RBFOX1: variants seen among roughly 807,000 people sequenced by gnomAD.
RBFOX1 encodes the protein RNA binding protein fox-1 homolog 1.
RBFOX1 carries 8 observed loss-of-function variants against 57.7 expected under a neutral mutation model. The observed-to-expected ratio is 0.14, with a 90% CI of 0.08 to 0.25. RBFOX1 has a LOEUF of 0.25. Ranked by LOEUF, RBFOX1 falls within the 10% of genes least tolerant of loss-of-function variation. The pLI is 1.00. For missense variants in RBFOX1, 611 were observed against 548.5 expected (o/e 1.11, Z -1.14); for synonymous variants, 326 against 222.4 (o/e 1.47, Z -4.15).
chr16:5,993,064 C>G (rs79165163), intron 4 of RBFOX1, among the ~76,000 whole-genome samples: 1 of 152,174 alleles, frequency 6.6e-6, no homozygotes, highest in Non-Finnish European at 1.5e-5. Context: ...TGCTTACCCA[C>G]AGGCCCTCTC....
intron 4 of RBFOX1, among the ~76,000 whole-genome samples, chr16:7,367,115 G>A (rs762560073): frequency 4.0e-5 from 6 of 151,136 alleles, no homozygotes; most frequent in Admixed American, 1.3e-4. Flanking sequence ...AAATACTGCC[G>A]GTGAGCCCAT....
chr16:5,688,551 C>T (rs1232706288), intron 3 of RBFOX1, among the ~76,000 whole-genome samples: 1 of 152,120 alleles, frequency 6.6e-6, no homozygotes, highest in Non-Finnish European at 1.5e-5. Context: ...TCCCTTTCCT[C>T]CTCAGCTCTG....
At chr16:5,808,023 C>T (rs1318611944) in intron 3 of RBFOX1, among the ~76,000 whole-genome samples, 1 of 152,212 alleles carries the variant, frequency 6.6e-6, no homozygotes, top group African/African-American at 2.4e-5. Context: ...CTTACTCCTT[C>T]TATGCCTGAA....
In RBFOX1 at chr16:5,335,598, C is replaced by T. The variant is rs1483297469; in HGVS notation, c.219+95493C>T. ...GCTTTGCTATGTCCTTCCTCTTCTCCATTGCACATGAGCGAGCAGATTAGG... is the reference window on the plus strand; with the variant it reads ...GCTTTGCTATGTCCTTCCTCTTCTCTATTGCACATGAGCGAGCAGATTAGG... On this transcript the variant is annotated intron_variant, in intron 1 of 2. Coordinates refer to the RBFOX1 transcript ENST00000585867. Among the ~76,000 whole-genome samples, 5 of 152,114 alleles carry T rather than the reference C, an allele frequency of 3.3e-5. No homozygotes were observed. The South Asian group carries it at 1.0e-3, about 32-fold the overall frequency.
chr16:5,400,235 G>A (rs1226226378), intron 1 of RBFOX1, among the ~76,000 whole-genome samples: 1 of 151,976 alleles, frequency 6.6e-6, no homozygotes, highest in Non-Finnish European at 1.5e-5. Context: ...GGGATTACAG[G>A]TGCTTGCCAC....
intron 5 of RBFOX1, among the ~76,000 whole-genome samples, chr16:7,567,493 GTATATCCCTATGTATGGCCCTATATA>G (rs1567867469): frequency 1.7e-3 from 30 of 18,004 alleles, no homozygotes; most frequent in African/African-American, 5.4e-3. Context: ...GGCCCTATAT[GTATATCCCTATGTATGGCCCTATATA>G]TATATCCCTA....
At position 7,364,749 on chromosome 16, in the gene RBFOX1, G is replaced by A. The variant is rs187319179; in HGVS notation, c.28-153398G>A. The stretch of plus-strand genomic sequence containing the variant: ...TGAAGTCCCAGGGCAGGGAATACTT[G>A]CTAGTTGTGTTCTCTCTCTAAGGTA... On this transcript the variant is annotated intron_variant, in intron 4 of 15. Transcript: ENST00000550418. Among the ~76,000 whole-genome samples, 480 of 152,284 alleles carry A rather than the reference G, an allele frequency of 3.2e-3. 2 individuals carry two copies. The highest frequency in any genetic ancestry group is 0.011 in the African/African-American group (470 of 41,560).
chr16:6,147,086 C>T (rs1436809829), intron 1 of RBFOX1, among the ~76,000 whole-genome samples: 1 of 152,134 alleles, frequency 6.6e-6, no homozygotes, highest in Non-Finnish European at 1.5e-5. Context: ...CCAGCTTCCA[C>T]CCACGGAATC....
At chr16:6,161,004 C>T (rs1247515374) in intron 1 of RBFOX1, among the ~76,000 whole-genome samples, 1 of 152,232 alleles carries the variant, frequency 6.6e-6, no homozygotes, top group East Asian at 1.9e-4. Flanking sequence ...GGAATGCGAG[C>T]TCCATGAGCA....
intron 1 of RBFOX1, among the ~76,000 whole-genome samples, chr16:6,034,353 A>AAAG (rs2044582250): frequency 1.4e-5 from 2 of 145,926 alleles, no homozygotes; most frequent in Non-Finnish European, 3.0e-5. Flanking sequence ...AAAAAAAAAA[A>AAAG]AAAAGAAAAG....
rs147111869 is a variant in RBFOX1, at chr16:7,436,542, G to T, written c.28-81605G>T. Among the ~76,000 whole-genome samples, 446 of 152,298 alleles carry T rather than the reference G, an allele frequency of 2.9e-3. 4 individuals carry two copies. The highest frequency in any genetic ancestry group is 0.01 in the African/African-American group (428 of 41,560). ...CTCATCCATCCAACAACTCTAGGGG[G>T]CAGGCATAAGTAGTCCCATTTTAAA... On this transcript the variant is annotated intron_variant, in intron 4 of 15. Transcript: ENST00000550418.
intron 2 of RBFOX1, among the ~76,000 whole-genome samples, chr16:5,574,415 ACT>A (rs2046386558): frequency 8.9e-6 from 1 of 112,688 alleles, no homozygotes; most frequent in African/African-American, 4.0e-5. Context: ...GAAAATTGTT[ACT>A]TTTTTTTCTT....
At chr16:6,069,161 G>C (rs2095803816) in intron 1 of RBFOX1, among the ~76,000 whole-genome samples, 1 of 152,150 alleles carries the variant, frequency 6.6e-6, no homozygotes, top group Non-Finnish European at 1.5e-5. Flanking sequence ...CACTTTGGGA[G>C]GCCGAGGCGG....
intron 2 of RBFOX1, among the ~76,000 whole-genome samples, chr16:5,536,010 C>T (rs1012443398): frequency 6.6e-6 from 1 of 152,100 alleles, no homozygotes; most frequent in African/African-American, 2.4e-5. Context: ...CGAAATCTTT[C>T]TCTAGCCCCC....
intron 4 of RBFOX1, among the ~76,000 whole-genome samples, chr16:5,927,671 C>T (rs1597824216): frequency 6.6e-6 from 1 of 152,098 alleles, no homozygotes. Flanking sequence ...GCACTATTCA[C>T]AACAGTCAAA....
chr16:6,690,297 G>A (rs1422095081), intron 3 of RBFOX1, among the ~76,000 whole-genome samples: 1 of 152,056 alleles, frequency 6.6e-6, no homozygotes, highest in Non-Finnish European at 1.5e-5. Flanking sequence ...ATGATAATAT[G>A]TGTGTTTTTA....
intron 2 of RBFOX1, among the ~76,000 whole-genome samples, chr16:6,542,507 T>TTTTTTTTTTA (rs3066933): frequency 9.3e-6 from 1 of 107,042 alleles, no homozygotes; most frequent in African/African-American, 3.4e-5. Flanking sequence ...TTTTTTTTTT[T>TTTTTTTTTTA]GAGCAGGAGT....
At chr16:7,043,829 C>T (rs548083232) in intron 3 of RBFOX1, among the ~76,000 whole-genome samples, 1 of 152,342 alleles carries the variant, frequency 6.6e-6, no homozygotes, top group South Asian at 2.1e-4. Flanking sequence ...TCAATTACTG[C>T]ACTTCCATAA....
chr16:6,202,824 G>A (rs572455400), intron 1 of RBFOX1, among the ~76,000 whole-genome samples: 2 of 152,084 alleles, frequency 1.3e-5, no homozygotes, highest in South Asian at 2.1e-4. Context: ...ATCTCATTCT[G>A]TTGCCCAGGC....
Sources: allele counts gnomAD v4.1 joint callset (sites outside exome capture counted in the v4.1 genomes callset), GRCh38; gene constraint gnomAD v4.1.1; transcripts MANE v1.5; gene names NCBI Gene and HGNC (gene_info 2026-07-23, HGNC 2026-07-21).